Variants in SASH1 observed in about 807,000 individuals in gnomAD.
SASH1 encodes SAM and SH3 domain-containing protein 1.
A neutral mutation model predicts 125.2 loss-of-function variants in SASH1; 44 were observed. The observed-to-expected ratio is 0.35, with a 90% CI of 0.28 to 0.45. The LOEUF is 0.45. Ranked by LOEUF, SASH1 falls within the 20% of genes least tolerant of loss-of-function variation. The pLI is 1.00. For synonymous variants in SASH1, 639 were observed against 649.1 expected (o/e 0.98, Z 0.24); for missense variants, 1,426 against 1,614.5 (o/e 0.88, Z 2.00).
At chr6:148,309,851 C>T (rs544809645) in intron 1 of SASH1, among the ~76,000 whole-genome samples, 7 of 151,922 alleles carry the variant, frequency 4.6e-5, no homozygotes, top group South Asian at 2.1e-4. Context: ...CAAAAACTGG[C>T]GAGTTTTGAG....
chr6:148,461,755 AT>A (rs1433470083), intron 4 of SASH1, among the ~76,000 whole-genome samples: 6 of 152,328 alleles, frequency 3.9e-5, no homozygotes, highest in Admixed American at 1.3e-4. Flanking sequence ...TTTGTTTCAT[AT>A]CTATTTCTCT....
At chr6:148,299,388 T>C (rs183251920) in intron 1 of SASH1, among the ~76,000 whole-genome samples, 2,721 of 151,992 alleles carry the variant, frequency 0.018, 75 homozygotes, top group African/African-American at 0.062. Context: ...AGACTGTCGT[T>C]GGGTGCGGTG....
chr6:148,489,141 T>A (rs1269741374), intron 8 of SASH1, among the ~76,000 whole-genome samples: 1 of 152,188 alleles, frequency 6.6e-6, no homozygotes, highest in Non-Finnish European at 1.5e-5. Flanking sequence ...GAGTTAATAT[T>A]TGTATATGAT....
intron 8 of SASH1, among the ~76,000 whole-genome samples, chr6:148,492,596 T>C (rs1280618801): frequency 6.6e-6 from 1 of 152,104 alleles, no homozygotes. Context: ...GGCAGGCGGA[T>C]TACCTGAGGT....
intron 4 of SASH1, among the ~76,000 whole-genome samples, chr6:148,448,449 C>T (rs1356980272): frequency 6.6e-6 from 1 of 152,140 alleles, no homozygotes; most frequent in East Asian, 1.9e-4. Flanking sequence ...AGGAACCTAA[C>T]CAGAGGCCTC....
chr6:148,257,864 T>C, the SASH1 span, among the ~76,000 whole-genome samples: 1 of 152,244 alleles, frequency 6.6e-6, no homozygotes, highest in African/African-American at 2.4e-5. Context: ...CTCTTGACCC[T>C]GTGATCCGCC....
chr6:148,510,055 G>A (rs1425883469), intron 8 of SASH1, among the ~76,000 whole-genome samples: 2 of 152,172 alleles, frequency 1.3e-5, no homozygotes, highest in Non-Finnish European at 2.9e-5. Context: ...GTCTTGGCTT[G>A]GTCAATTTGT....
the SASH1 span, among the ~76,000 whole-genome samples, chr6:148,195,901 A>G: frequency 1.3e-5 from 2 of 152,308 alleles, no homozygotes; most frequent in Non-Finnish European, 2.9e-5. Context: ...GTGGCTTTCT[A>G]TCATAATTAA....
At chr6:148,497,760 CA>C (rs2115254058) in intron 8 of SASH1, among the ~76,000 whole-genome samples, 1 of 152,244 alleles carries the variant, frequency 6.6e-6, no homozygotes, top group East Asian at 1.9e-4. Context: ...AACACATAAT[CA>C]ATTTATTTTC....
rs1428126400 is a variant in SASH1 at position 148,549,403 on chromosome 6, G to C, written c.*845G>C. Reference sequence around the variant, plus strand: ...GCTATCTGAAATTCACAAATATCATGTGTGTGCGTGCGTGCGTGCGCGTGT... The same window carrying C: ...GCTATCTGAAATTCACAAATATCATCTGTGTGCGTGCGTGCGTGCGCGTGT... On this transcript the variant is annotated 3_prime_UTR_variant, in exon 20 of 20. Coordinates refer to ENST00000367467, the MANE Select transcript of SASH1 (RefSeq NM_015278.5). 7.8e-6 allele frequency: 3 copies of C among 386,308 alleles called. No homozygotes were observed. Among genetic ancestry groups the C allele is most frequent in the African/African-American group, 4.1e-5 (2 of 48,356 alleles). The allele number at this position is 386,308 out of a possible 1,614,324, so 23.9% of individuals were successfully genotyped here.
At chr6:148,307,054 TTC>T (rs1226811886) in intron 1 of SASH1, among the ~76,000 whole-genome samples, 7 of 146,048 alleles carry the variant, frequency 4.8e-5, no homozygotes, top group African/African-American at 1.6e-4. Flanking sequence ...CTTTCTTTCT[TTC>T]TTTCTTTCTT....
intron 9 of SASH1, among the ~76,000 whole-genome samples, chr6:148,516,182 G>A (rs1015573449): frequency 2.0e-5 from 3 of 152,226 alleles, no homozygotes; most frequent in African/African-American, 7.2e-5. Flanking sequence ...CACAAATCAG[G>A]CTTCACAGAT....
chr6:148,431,805 AAT>A (rs1351985129), intron 2 of SASH1, among the ~76,000 whole-genome samples: 1 of 151,880 alleles, frequency 6.6e-6, no homozygotes, highest in Non-Finnish European at 1.5e-5. Context: ...AGTCTCTTTG[AAT>A]TTTCAATAAA....
At chr6:148,335,464 C>CA (rs534202487) in intron 1 of SASH1, among the ~76,000 whole-genome samples, 11,876 of 79,252 alleles carry the variant, frequency 0.15, 988 homozygotes, top group East Asian at 0.35. Flanking sequence ...GACTCTGTCT[C>CA]AAAAAAAAAA....
At chr6:148,340,135 G>T (rs902964861), upstream of SASH1, among the ~76,000 whole-genome samples, 3 of 152,098 alleles carry the variant, frequency 2.0e-5, no homozygotes, top group African/African-American at 7.2e-5. Context: ...AAGTGTTTAT[G>T]TAGAGAACAG....
the SASH1 span, among the ~76,000 whole-genome samples, chr6:148,215,571 A>G: frequency 6.6e-6 from 1 of 152,208 alleles, no homozygotes; most frequent in South Asian, 2.1e-4. Context: ...ACATTTTGCC[A>G]GACTGCTGAT....
At position 148,514,138 on chromosome 6, in the gene SASH1, CG is replaced by C. The variant is rs1386223803; in HGVS notation, c.730-185del. 2.2e-6 allele frequency: 3 copies of C among 1,367,518 alleles called. No individual in the cohort carries two copies. In the African/African-American group the frequency reaches 4.5e-5, roughly 21 times the overall value. 84.7% of individuals were successfully genotyped at this position (1,367,518 alleles called of 1,614,324 possible). A position where few individuals can be genotyped will look rare whatever the true frequency, so the allele number is the denominator to read the frequency against. ...TTTCCGTGCCTAGGACCTAATTCTA[CG>C]CCGATTTAGATCTTAAGATGGTATG... is the stretch of plus-strand genomic sequence containing the variant. On this transcript the variant is annotated intron_variant, in intron 8 of 19. Coordinates refer to ENST00000367467, the MANE Select transcript of SASH1 (RefSeq NM_015278.5).
the SASH1 span, among the ~76,000 whole-genome samples, chr6:148,245,988 A>AC: frequency 1.3e-5 from 2 of 149,538 alleles, no homozygotes; most frequent in Non-Finnish European, 3.0e-5. Flanking sequence ...GTCTAAAAAA[A>AC]CAAAAAAAAA....
chr6:148,194,884 C>T, the SASH1 span, among the ~76,000 whole-genome samples: 1 of 152,214 alleles, frequency 6.6e-6, no homozygotes, highest in South Asian at 2.1e-4. Context: ...CCAGCCTGGG[C>T]GACAGAGCGA....
Sources: gnomAD v4.1 joint callset for allele counts (sites outside exome capture counted in the v4.1 genomes callset) on GRCh38, gnomAD v4.1.1 for gene constraint, MANE v1.5 for transcripts, NCBI Gene and HGNC (gene_info 2026-07-23, HGNC 2026-07-21) for gene names.